The following PARP9 variants were observed in gnomAD, a reference collection of about 807,000 sequenced individuals.
PARP9 encodes the protein protein mono-ADP-ribosyltransferase PARP9.
In PARP9, 48 loss-of-function variants were observed where a neutral mutation model predicts 68.8. That is an observed-to-expected ratio of 0.70 (90% confidence interval 0.55 to 0.89). The LOEUF is 0.89. Among genes scored for constraint, PARP9 ranks in the 40% least tolerant of loss-of-function variants. The pLI, the probability that PARP9 is intolerant of heterozygous loss-of-function variation, is 0.00. For synonymous variants in PARP9, 309 were observed against 333.8 expected (o/e 0.93, Z 0.81); for missense variants, 806 against 969.3 (o/e 0.83, Z 2.24).
chr3:122,528,615 A>T lies in PARP9; in HGVS notation c.2209T>A (p.Cys737Ser). 1 of 1,614,226 alleles carries T rather than the reference A, an allele frequency of 6.2e-7. No individual in the cohort carries two copies. Among genetic ancestry groups the T allele is most frequent in the South Asian group, 1.1e-5 (1 of 91,080 alleles). The change falls in exon 11 of 11, where the codon TGC (cysteine) becomes AGC (serine). Residue 737 changes from cysteine to serine, a missense_variant. Physicochemically the swap from Cys to Ser is moderately radical, Grantham distance 112. Coordinates refer to ENST00000682323, the MANE Select transcript of PARP9 (RefSeq NM_001146105.2). Reference sequence around the variant, plus strand: ...ACAATATTTAACGGATGTCCCTGGCAGAAGAAGCCTGTGAGTACTTCAGCC... The same window carrying T: ...ACAATATTTAACGGATGTCCCTGGCTGAAGAAGCCTGTGAGTACTTCAGCC... ...FEAEVLTGFF[C>S]QGHPLNIVPP...
At position 122,555,336 on chromosome 3, in the gene PARP9, C is replaced by T. The variant is rs971953959; in HGVS notation, c.835G>A (p.Val279Met). The T allele has an allele frequency of 3.7e-6, 6 of 1,613,864 alleles. No homozygotes were observed. The highest frequency in any genetic ancestry group is 3.3e-5 in the Admixed American group (2 of 59,994). The change falls in exon 4 of 11, where the codon GTG becomes ATG. Residue 279 changes from valine (V) to methionine (M), a missense_variant. Val to Met is a conservative substitution (Grantham distance 21). This residue lies in a region of PARP9 where 680 missense variants were observed against 858.8 expected (regional missense o/e 0.79). Coordinates refer to ENST00000682323, the MANE Select transcript of PARP9 (RefSeq NM_001146105.2). ...ETTPSFNAMV[V>M]NNLTLQIVQG... ...ACAATCTGGAGGGTCAGGTTGTTCA[C>T]GACCATTGCATTGAAAGAAGGGGTG...
intron 10 of PARP9, chr3:122,534,435 C>G: frequency 2.0e-6 from 2 of 985,452 alleles, no homozygotes; most frequent in South Asian, 9.4e-5. Flanking sequence ...ACCTGTTCGG[C>G]AGCATGTAGA....
intron 7 of PARP9, among the ~76,000 whole-genome samples, chr3:122,541,253 T>C (rs756750850): frequency 5.3e-5 from 8 of 152,202 alleles, no homozygotes; most frequent in Admixed American, 1.3e-4. Context: ...CCCTATGATA[T>C]TGTCACCACT....
At chr3:122,562,165 TTTCTTTTCTTTTC>T (rs1293771832) in intron 1 of PARP9, among the ~76,000 whole-genome samples, 4 of 50,128 alleles carry the variant, frequency 8.0e-5, no homozygotes, top group East Asian at 1.6e-3. Flanking sequence ...ACTCTTTTCT[TTTCTTTTCTTTTC>T]TTTTCTTTTC....
rs181122801 is a variant in PARP9, at chr3:122,553,697, T to C, written c.886-1058A>G. Among the ~76,000 whole-genome samples the C allele has an allele frequency of 6.8e-3, 1,040 of 152,270 alleles. 7 individuals carry two copies. Among genetic ancestry groups the C allele is most frequent in the Non-Finnish European group, 8.8e-3 (597 of 68,020 alleles). On this transcript the variant is annotated intron_variant, in intron 4 of 10. Coordinates refer to ENST00000682323, the MANE Select transcript of PARP9 (RefSeq NM_001146105.2). ...GTTATTGGTTTGTTTGTTTTACCAG[T>C]GTCTAAGACTATTTGATTGTGGTCA...
At chr3:122,547,105 T>G (rs1186098602) in intron 6 of PARP9, among the ~76,000 whole-genome samples, 1 of 135,970 alleles carries the variant, frequency 7.4e-6, no homozygotes, top group Admixed American at 7.1e-5. Context: ...TACACGTATT[T>G]TTTTTTCTTT....
At chr3:122,555,057 T>C (rs762851791) in intron 4 of PARP9, among the ~76,000 whole-genome samples, 10 of 151,918 alleles carry the variant, frequency 6.6e-5, no homozygotes, top group Admixed American at 1.3e-4. Context: ...TTTAAAGAGA[T>C]GGGGTCTGGG....
intron 1 of PARP9, among the ~76,000 whole-genome samples, chr3:122,562,750 T>C (rs1406999100): frequency 2.0e-5 from 3 of 152,226 alleles, no homozygotes; most frequent in African/African-American, 7.2e-5. Context: ...GATCTTTTCA[T>C]GTTAGCACAT....
At chr3:122,543,492 G>A (rs1393271231) in intron 7 of PARP9, among the ~76,000 whole-genome samples, 1 of 151,454 alleles carries the variant, frequency 6.6e-6, no homozygotes, top group African/African-American at 2.4e-5. Flanking sequence ...AGTCAGGCTG[G>A]TCTCGAACTC....
chr3:122,537,838 T>TCCTC (rs1351176747), intron 8 of PARP9, among the ~76,000 whole-genome samples: 4 of 151,904 alleles, frequency 2.6e-5, no homozygotes, highest in African/African-American at 9.7e-5. Flanking sequence ...CTTCCTTCCT[T>TCCTC]CCTCCTTCCT....
intron 10 of PARP9, chr3:122,534,762 G>T: frequency 3.3e-6 from 1 of 306,298 alleles, no homozygotes; most frequent in Non-Finnish European, 4.8e-6. Context: ...TGTAATCCCA[G>T]CTACCTGGGA....
In PARP9 at chr3:122,536,266, C is replaced by T. The variant is rs1292247380; in HGVS notation, c.1982G>A (p.Arg661Lys). The T allele has an allele frequency of 6.2e-7, 1 of 1,614,168 alleles. No homozygotes were observed. Among genetic ancestry groups the T allele is most frequent in the Non-Finnish European group, 8.5e-7 (1 of 1,180,026 alleles). ...KKKMMEEKLH[R>K]QPVSHRLFQQ... Reference sequence around the variant, plus strand: ...AAACAGCCTATGGCTCACAGGTTGCCTGTGCAGTTTTTCTTCCATCATTTT... The same window carrying T: ...AAACAGCCTATGGCTCACAGGTTGCTTGTGCAGTTTTTCTTCCATCATTTT... The change falls in exon 10 of 11, where the codon AGG (arginine) becomes AAG (lysine). Residue 661 changes from arginine (R) to lysine (K), a missense_variant. Physicochemically the swap from Arg to Lys is conservative, Grantham distance 26. Around this residue, in one of 2 missense-constraint regions of PARP9, gnomAD observed 680 missense variants for 858.8 expected, o/e 0.79. Coordinates refer to ENST00000682323, the MANE Select transcript of PARP9 (RefSeq NM_001146105.2).
chr3:122,529,883 G>C (rs1437273109), intron 10 of PARP9, among the ~76,000 whole-genome samples: 1 of 151,678 alleles, frequency 6.6e-6, no homozygotes, highest in Non-Finnish European at 1.5e-5. Flanking sequence ...CTAACCTCAT[G>C]AACAGCATTA....
At chr3:122,547,214 C>T (rs1164920263) in intron 6 of PARP9, among the ~76,000 whole-genome samples, 1 of 149,806 alleles carries the variant, frequency 6.7e-6, no homozygotes, top group Non-Finnish European at 1.5e-5. Context: ...CCTGCCTCAG[C>T]CTCCCAAGGA....
At chr3:122,538,411 A>G (rs1283667922) in intron 8 of PARP9, among the ~76,000 whole-genome samples, 1 of 152,166 alleles carries the variant, frequency 6.6e-6, no homozygotes, top group African/African-American at 2.4e-5. Flanking sequence ...TATTGTTCTG[A>G]TGGATATTTG....
chr3:122,558,692 T>C (rs115263590), intron 2 of PARP9, among the ~76,000 whole-genome samples: 1,608 of 152,242 alleles, frequency 0.011, 13 homozygotes, highest in Middle Eastern at 0.027. Context: ...TAGGGGCCGA[T>C]GCATTTCTTT....
chr3:122,536,664 G>A (rs1457502972), intron 9 of PARP9: 5 of 537,480 alleles, frequency 9.3e-6, no homozygotes, highest in African/African-American at 7.7e-5. Context: ...TGTGATAAAT[G>A]CTATTCCACT....
In PARP9 at chr3:122,552,743, A is replaced by G. The variant is rs1321387866; in HGVS notation, c.886-104T>C. On this transcript the variant is annotated intron_variant, in intron 4 of 10. Transcript: ENST00000682323. Reference sequence around the variant, plus strand: ...AAGAGCTTTGAAAAATACTCTTTGAAGATCCTAAATTCTAAAAAATTTCAT... The same window carrying G: ...AAGAGCTTTGAAAAATACTCTTTGAGGATCCTAAATTCTAAAAAATTTCAT... The G allele has an allele frequency of 1.6e-5, 13 of 820,442 alleles. No individual in the cohort carries two copies. In the Admixed American group the frequency reaches 2.0e-4, roughly 12 times the overall value. The allele number at this position is 820,442 out of a possible 1,614,324, so 50.8% of individuals were successfully genotyped here. A position where few individuals can be genotyped will look rare whatever the true frequency, so the allele number is the denominator to read the frequency against.
Position 122,564,277 on chromosome 3 carries a change from C to A in PARP9, c.-122G>T. ...GCCGCTCTCCTCGGTGCAGACAGCACAGGGAGGAGGGGGAAGCGGCTCTGC... is the reference window on the plus strand; with the variant it reads ...GCCGCTCTCCTCGGTGCAGACAGCAAAGGGAGGAGGGGGAAGCGGCTCTGC... On this transcript the variant is annotated 5_prime_UTR_variant, in exon 1 of 11. Transcript: ENST00000682323. 1 of 987,738 alleles carries A rather than the reference C, an allele frequency of 1.0e-6. No individual in the cohort carries two copies. Among genetic ancestry groups the A allele is most frequent in the Non-Finnish European group, 1.4e-6 (1 of 693,818 alleles). The allele number at this position is 987,738 out of a possible 1,614,324, so 61.2% of individuals were successfully genotyped here.
Sources: allele counts gnomAD v4.1 joint callset (sites outside exome capture counted in the v4.1 genomes callset), GRCh38; gene constraint gnomAD v4.1.1; regional missense constraint gnomAD v4.1.1; transcripts MANE v1.5; gene names NCBI Gene and HGNC (gene_info 2026-07-23, HGNC 2026-07-21).